PACRG: variants seen among roughly 807,000 people sequenced by gnomAD.
The protein encoded by PACRG is parkin coregulated.
In PACRG, 29 loss-of-function variants were observed where a neutral mutation model predicts 29.7. That is an observed-to-expected ratio of 0.98 (90% CI 0.73 to 1.33). The LOEUF (loss-of-function observed/expected upper bound fraction) is 1.33. PACRG is among the 40% of genes most tolerant of loss of function. The pLI is 0.00. For synonymous variants in PACRG, 116 were observed against 118.7 expected, an observed-to-expected ratio of 0.98 and a Z score of 0.15; for missense variants, 279 against 316.2, an observed-to-expected ratio of 0.88 and a Z score of 0.89.
intron 2 of PACRG, among the ~76,000 whole-genome samples, chr6:162,982,685 A>T (rs751147829): frequency 4.6e-5 from 7 of 151,658 alleles, no homozygotes; most frequent in Non-Finnish European, 7.4e-5. Flanking sequence ...ATAAATTTTG[A>T]TTTTCTTAAA....
intron 2 of PACRG, among the ~76,000 whole-genome samples, chr6:163,007,926 G>A (rs1199615296): frequency 6.6e-6 from 1 of 152,074 alleles, no homozygotes; most frequent in South Asian, 2.1e-4. Flanking sequence ...TGTGACCTCA[G>A]CTGAGCCTTC....
At position 163,067,244 on chromosome 6, in the gene PACRG, G is replaced by A. The variant is rs1318452638; in HGVS notation, c.463+4923G>A. 5.3e-5 allele frequency among the ~76,000 whole-genome samples: 8 copies of A among 152,224 alleles called. No individual in the cohort carries two copies. The East Asian group carries it at 1.5e-3, about 29-fold the overall frequency. ...ACCTGAGATGCTGCATCTCTGACAA[G>A]CCCGTGGTCGATGCTGTTGCTGCCG... On this transcript the variant is annotated intron_variant, in intron 3 of 4. Transcript: ENST00000366888.
At chr6:163,034,653 T>A (rs1023733425) in intron 2 of PACRG, among the ~76,000 whole-genome samples, 1 of 152,078 alleles carries the variant, frequency 6.6e-6, no homozygotes. Flanking sequence ...TCTCTTTCCT[T>A]TGGGTTGGGG....
At position 163,124,700 on chromosome 6, in the gene PACRG, G is replaced by A. The variant is rs547149596; in HGVS notation, c.613+35292G>A. Among the ~76,000 whole-genome samples the A allele has an allele frequency of 7.2e-5, 11 of 152,294 alleles. No individual in the cohort carries two copies. The East Asian group carries it at 2.1e-3, about 29-fold the overall frequency. On this transcript the variant is annotated intron_variant, in intron 4 of 4. Transcript: ENST00000366888. ...TGCCGTAGAGTCAAAGGAAGGAAGA[G>A]GCTGCAGTTCGGCACCAGTGGGGAA...
chr6:162,972,849 A>T (rs1225326683), intron 2 of PACRG, among the ~76,000 whole-genome samples: 1 of 149,802 alleles, frequency 6.7e-6, no homozygotes, highest in Non-Finnish European at 1.5e-5. Flanking sequence ...ATGTGCTCTG[A>T]TAGATGAGAA....
At chr6:163,250,120 C>T (rs1782845718) in intron 4 of PACRG, among the ~76,000 whole-genome samples, 1 of 152,210 alleles carries the variant, frequency 6.6e-6, no homozygotes, top group Admixed American at 6.5e-5. Context: ...TTGCAGGAAA[C>T]AACAGTTGCA....
chr6:163,230,669 G>T (rs1318441975), intron 4 of PACRG, among the ~76,000 whole-genome samples: 1 of 78,072 alleles, frequency 1.3e-5, no homozygotes, highest in Non-Finnish European at 2.7e-5. Flanking sequence ...TCTGTTTATT[G>T]CTGATGGAAA....
intron 2 of PACRG, among the ~76,000 whole-genome samples, chr6:162,817,743 A>G (rs1787483113): frequency 6.6e-6 from 1 of 152,226 alleles, no homozygotes; most frequent in South Asian, 2.1e-4. Flanking sequence ...ATGGCAGTCA[A>G]AAATAAATGC....
intron 1 of PACRG, among the ~76,000 whole-genome samples, chr6:162,750,141 T>G (rs1781409400): frequency 6.6e-6 from 1 of 152,216 alleles, no homozygotes; most frequent in Admixed American, 6.5e-5. Context: ...AAACTTAAAT[T>G]TATGTCTGCC....
rs80301743 is a variant in PACRG, at chr6:162,850,740, G to A, written c.291+36459G>A. Among the ~76,000 whole-genome samples the A allele has an allele frequency of 1.6e-4, 24 of 152,286 alleles. No homozygotes were observed. In the East Asian group the frequency reaches 4.2e-3, roughly 27 times the overall value. Reference sequence around the variant, plus strand: ...CATCTGTATTTTGTGTAATATCCTTGATAATAAACCAGTAAACTTAAGTGT... The same window carrying A: ...CATCTGTATTTTGTGTAATATCCTTAATAATAAACCAGTAAACTTAAGTGT... On this transcript the variant is annotated intron_variant, in intron 2 of 4. Coordinates refer to ENST00000366888, the MANE Select transcript of PACRG (RefSeq NM_001080379.2).
chr6:162,967,469 T>G (rs975463124), intron 2 of PACRG, among the ~76,000 whole-genome samples: 1 of 152,150 alleles, frequency 6.6e-6, no homozygotes, highest in African/African-American at 2.4e-5. Flanking sequence ...TATTTAGAAT[T>G]TTGATCAATA....
At chr6:162,816,664 T>C (rs531807890) in intron 2 of PACRG, among the ~76,000 whole-genome samples, 13 of 152,254 alleles carry the variant, frequency 8.5e-5, no homozygotes, top group African/African-American at 2.9e-4. Flanking sequence ...GACATTAAGA[T>C]TGTTAAACAT....
chr6:162,796,026 T>A (rs2128334411), intron 1 of PACRG, among the ~76,000 whole-genome samples: 1 of 152,338 alleles, frequency 6.6e-6, no homozygotes, highest in East Asian at 1.9e-4. Flanking sequence ...CTTACTGTTT[T>A]ATCTCATCAT....
intron 2 of PACRG, among the ~76,000 whole-genome samples, chr6:162,822,427 G>A (rs1293425700): frequency 6.6e-6 from 1 of 152,162 alleles, no homozygotes; most frequent in Non-Finnish European, 1.5e-5. Flanking sequence ...AGTTCATTAT[G>A]TATGAAGCAC....
intron 4 of PACRG, among the ~76,000 whole-genome samples, chr6:163,164,969 C>CTT (rs36057488): frequency 1.3e-5 from 2 of 151,688 alleles, no homozygotes; most frequent in Admixed American, 6.6e-5. Flanking sequence ...GCAATGGTGA[C>CTT]TTTTTTTTAA....
At position 163,147,862 on chromosome 6, in the gene PACRG, G is replaced by T. The variant is rs1452598895; in HGVS notation, c.613+58454G>T. Among the ~76,000 whole-genome samples, 4 of 152,092 alleles carry T rather than the reference G, an allele frequency of 2.6e-5. No individual in the cohort carries two copies. The East Asian group carries it at 7.7e-4, about 29-fold the overall frequency. Reference sequence around the variant, plus strand: ...CTACCCCCTTAGCAATGCCCCTCTAGCACCTTTCTTTACCAACCAGAATAG... The same window carrying T: ...CTACCCCCTTAGCAATGCCCCTCTATCACCTTTCTTTACCAACCAGAATAG... On this transcript the variant is annotated intron_variant, in intron 4 of 4. Coordinates refer to ENST00000366888, the MANE Select transcript of PACRG (RefSeq NM_001080379.2).
At chr6:162,952,307 C>A (rs925924167) in intron 2 of PACRG, among the ~76,000 whole-genome samples, 13 of 152,028 alleles carry the variant, frequency 8.6e-5, no homozygotes, top group African/African-American at 2.9e-4. Flanking sequence ...AGTTTTTTTG[C>A]CTTTCAGCAG....
intron 2 of PACRG, among the ~76,000 whole-genome samples, chr6:162,890,145 C>G (rs34615842): frequency 0.17 from 25,712 of 152,148 alleles, 2,651 homozygotes; most frequent in East Asian, 0.35. Flanking sequence ...TGTTATTGAA[C>G]ATAAAATGCA....
intron 4 of PACRG, among the ~76,000 whole-genome samples, chr6:163,267,655 G>A (rs995670369): frequency 6.6e-6 from 1 of 152,152 alleles, no homozygotes; most frequent in Non-Finnish European, 1.5e-5. Flanking sequence ...TCAATTCTAT[G>A]TATATGTGCA....
Sources: allele counts gnomAD v4.1 joint callset (sites outside exome capture counted in the v4.1 genomes callset), GRCh38; gene constraint gnomAD v4.1.1; transcripts MANE v1.5; gene names NCBI Gene and HGNC (gene_info 2026-07-23, HGNC 2026-07-21).